Variants in ANKMY2 observed in about 807,000 individuals in gnomAD.
ANKMY2 encodes the protein ankyrin repeat and MYND domain containing 2.
Under a neutral mutation model 50.4 loss-of-function variants are expected in ANKMY2, and 36 were observed. That is an observed-to-expected ratio of 0.71 (90% CI 0.55 to 0.94). The LOEUF (loss-of-function observed/expected upper bound fraction) is 0.94. Ranked by LOEUF, ANKMY2 falls within the 40% of genes least tolerant of loss-of-function variation. The pLI is 0.00. For synonymous variants in ANKMY2, 187 were observed against 178.8 expected, an observed-to-expected ratio of 1.05 and a Z score of -0.36; for missense variants, 565 against 524.0, an observed-to-expected ratio of 1.08 and a Z score of -0.76.
At chr7:16,603,708 C>T (rs1424711689) in intron 8 of ANKMY2, 1 of 471,034 alleles carries the variant, frequency 2.1e-6, no homozygotes, top group Non-Finnish European at 4.4e-6. Context: ...TAATTTGTTT[C>T]AACCAACAGC....
chr7:16,630,334 A>T (rs1458167374), intron 2 of ANKMY2, among the ~76,000 whole-genome samples: 1 of 152,184 alleles, frequency 6.6e-6, no homozygotes, highest in Non-Finnish European at 1.5e-5. Flanking sequence ...GAATTTTTAA[A>T]TTTATGACAT....
At chr7:16,625,979 C>CTTT (rs536879249) in intron 3 of ANKMY2, among the ~76,000 whole-genome samples, 29 of 103,108 alleles carry the variant, frequency 2.8e-4, no homozygotes, top group East Asian at 8.0e-4. Flanking sequence ...TATAAGAAGT[C>CTTT]TTTTTTTTTT....
Position 16,645,657 on chromosome 7 carries a change from C to T in ANKMY2, c.-84G>A. 28 of 1,452,298 alleles carry T rather than the reference C, an allele frequency of 1.9e-5. No homozygotes were observed. Among genetic ancestry groups the T allele is most frequent in the Non-Finnish European group, 2.5e-5 (27 of 1,070,772 alleles). The allele number at this position is 1,452,298 out of a possible 1,614,324, so 90.0% of individuals were successfully genotyped here. A position where few individuals can be genotyped will look rare whatever the true frequency, so the allele number is the denominator to read the frequency against. On this transcript the variant is annotated 5_prime_UTR_variant, in exon 1 of 10. Transcript: ENST00000306999. ...GCGTCTGTATTGGGAACGCCAGCCG[C>T]AATGAGGCAACTTGAGACCAAGACA...
chr7:16,627,121 A>G lies in ANKMY2; in HGVS notation c.190T>C (p.Leu64=). The part of the protein sequence containing the change: ...AYKGKLDMCK[L]LLRHGADVNC... ...ACATCGGCTCCATGTCGCAGTAGTA[A>G]TTTGCACATATCGAGTTTTCCTTTA... The change falls in exon 3 of 10, where the codon TTA becomes CTA. Residue 64 remains leucine (L), a synonymous_variant. Coordinates refer to ENST00000306999, the MANE Select transcript of ANKMY2 (RefSeq NM_020319.3). The G allele has an allele frequency of 1.2e-6, 2 of 1,611,930 alleles. No homozygotes were observed. Among genetic ancestry groups the G allele is most frequent in the Non-Finnish European group, 8.5e-7 (1 of 1,178,700 alleles).
chr7:16,636,302 C>CA (rs376207917), intron 2 of ANKMY2, 89 bp downstream of exon 2: 4,621 of 214,224 alleles, frequency 0.022, 318 homozygotes, highest in African/African-American at 0.043. Flanking sequence ...CACTCCATCT[C>CA]AAAAAAAAAA....
intron 1 of ANKMY2, 64 bp from the exon 2 acceptor site, chr7:16,636,519 A>G (rs1781665066): frequency 7.6e-7 from 1 of 1,319,690 alleles, no homozygotes; most frequent in Non-Finnish European, 1.0e-6. Flanking sequence ...AAAATCTAAC[A>G]TCAAGGAAAT....
chr7:16,640,431 G>A (rs1430069559), intron 1 of ANKMY2, among the ~76,000 whole-genome samples: 1 of 152,110 alleles, frequency 6.6e-6, no homozygotes, highest in Non-Finnish European at 1.5e-5. Context: ...AAAACAAACA[G>A]AACAGGAGAA....
At chr7:16,623,386 T>C (rs954831572) in intron 4 of ANKMY2, among the ~76,000 whole-genome samples, 42 of 152,144 alleles carry the variant, frequency 2.8e-4, no homozygotes, top group African/African-American at 9.4e-4. Context: ...AGTATTGTAG[T>C]GTTAAGAAAA....
chr7:16,640,147 C>T (rs1386844501), intron 1 of ANKMY2, among the ~76,000 whole-genome samples: 2 of 151,866 alleles, frequency 1.3e-5, no homozygotes, highest in Admixed American at 1.3e-4. Context: ...GCTTGGGCGA[C>T]AAGAGCGAGA....
chr7:16,632,322 G>A (rs1272793119), intron 2 of ANKMY2, among the ~76,000 whole-genome samples: 3 of 152,048 alleles, frequency 2.0e-5, no homozygotes, highest in Admixed American at 6.5e-5. Context: ...ACAGAGTTGT[G>A]CAGCCATCAC....
At chr7:16,614,148 C>G (rs896537260) in intron 5 of ANKMY2, among the ~76,000 whole-genome samples, 1 of 152,152 alleles carries the variant, frequency 6.6e-6, no homozygotes, top group Non-Finnish European at 1.5e-5. Flanking sequence ...TCTCCCCATC[C>G]CAGCCAGCCC....
At chr7:16,608,352 T>C (rs1224698450) in intron 7 of ANKMY2, among the ~76,000 whole-genome samples, 1 of 152,092 alleles carries the variant, frequency 6.6e-6, no homozygotes, top group Non-Finnish European at 1.5e-5. Flanking sequence ...GTAAAGAAAC[T>C]CTTGAAAATA....
At chr7:16,624,281 ACT>A (rs1369364968) in intron 4 of ANKMY2, among the ~76,000 whole-genome samples, 1 of 152,042 alleles carries the variant, frequency 6.6e-6, no homozygotes, top group East Asian at 1.9e-4. Flanking sequence ...CTCTCAGTGG[ACT>A]CTCTTCACCA....
chr7:16,599,838 T>C lies in ANKMY2; in HGVS notation c.*923A>G, dbSNP rs1304446852. The C allele has an allele frequency of 1.3e-5, 2 of 152,186 alleles. No individual in the cohort carries two copies. The highest frequency in any genetic ancestry group is 2.4e-5 in the African/African-American group (1 of 41,452). 9.4% of individuals were successfully genotyped at this position (152,186 alleles called of 1,614,324 possible). A position where few individuals can be genotyped will look rare whatever the true frequency, so the allele number is the denominator to read the frequency against. ...ACACAAGAAACCCAGAAATGCAGCATTATCTTCAGACATCACATTCTAGCT... is the reference window on the plus strand; with the variant it reads ...ACACAAGAAACCCAGAAATGCAGCACTATCTTCAGACATCACATTCTAGCT... On this transcript the variant is annotated 3_prime_UTR_variant, in exon 10 of 10. Transcript: ENST00000306999.
In ANKMY2 at chr7:16,627,107, A is replaced by C. The variant is rs763938948; in HGVS notation, c.204T>G (p.His68Gln). Residue 68 changes from histidine to glutamine, a missense_variant, in exon 3 of 10, where the codon CAT (histidine) becomes CAG (glutamine). By Grantham distance (24) the His-to-Gln change is conservative. Coordinates refer to ENST00000306999, the MANE Select transcript of ANKMY2 (RefSeq NM_020319.3). ...KLDMCKLLLR[H>Q]GADVNCHQHE... Reference sequence around the variant, plus strand: ...GCTGATGACAATTTACATCGGCTCCATGTCGCAGTAGTAATTTGCACATAT... The same window carrying C: ...GCTGATGACAATTTACATCGGCTCCCTGTCGCAGTAGTAATTTGCACATAT... The C allele has an allele frequency of 6.2e-7, 1 of 1,612,870 alleles. No homozygotes were observed. The highest frequency in any genetic ancestry group is 8.5e-7 in the Non-Finnish European group (1 of 1,179,320).
chr7:16,625,168 C>T (rs1000996112), intron 3 of ANKMY2, 87 bp from the exon 4 acceptor site: 2 of 978,226 alleles, frequency 2.0e-6, no homozygotes, highest in African/African-American at 1.6e-5. Context: ...CCCTTTATTC[C>T]CCCAGTTAGT....
At chr7:16,633,368 T>C (rs1042979165) in intron 2 of ANKMY2, among the ~76,000 whole-genome samples, 1 of 152,116 alleles carries the variant, frequency 6.6e-6, no homozygotes, top group African/African-American at 2.4e-5. Context: ...CTTTTAATAA[T>C]TTCATGAACT....
intron 4 of ANKMY2, among the ~76,000 whole-genome samples, chr7:16,619,833 A>G (rs1781407937): frequency 6.6e-6 from 1 of 152,238 alleles, no homozygotes; most frequent in African/African-American, 2.4e-5. Flanking sequence ...ATAGGAACAC[A>G]CACATACAAC....
chr7:16,644,573 G>A (rs566356825), intron 1 of ANKMY2: 36 of 395,264 alleles, frequency 9.1e-5, no homozygotes, highest in African/African-American at 5.7e-4. Flanking sequence ...GGACAAACAT[G>A]GCTATATTAT....
Sources: allele counts gnomAD v4.1 joint callset (sites outside exome capture counted in the v4.1 genomes callset), GRCh38; gene constraint gnomAD v4.1.1; transcripts MANE v1.5; gene names NCBI Gene and HGNC (gene_info 2026-07-23, HGNC 2026-07-21).